PLCB1: variants seen among roughly 807,000 people sequenced by gnomAD.
The protein encoded by PLCB1 is phospholipase C beta 1, also known as 1-phosphatidylinositol 4,5-bisphosphate phosphodiesterase beta-1.
In PLCB1, 46 loss-of-function variants were observed where a neutral mutation model predicts 161.8. That is an observed-to-expected ratio of 0.28 (90% CI 0.22 to 0.36). The LOEUF is 0.36. Among genes scored for constraint, PLCB1 ranks in the 10% least tolerant of loss-of-function variants. The pLI, the probability that PLCB1 is intolerant of heterozygous loss-of-function variation, is 1.00. For missense variants in PLCB1, 1,016 were observed against 1,472.5 expected (o/e 0.69, Z 5.07); for synonymous variants, 517 against 503.7 (o/e 1.03, Z -0.35).
intron 3 of PLCB1, among the ~76,000 whole-genome samples, chr20:8,374,748 G>A (rs1216648352): frequency 6.6e-6 from 1 of 152,198 alleles, no homozygotes; most frequent in African/African-American, 2.4e-5. Context: ...GGGACAGAAA[G>A]GCAATGTAAC....
chr20:8,465,504 T>C (rs1166126867), intron 3 of PLCB1, among the ~76,000 whole-genome samples: 4 of 152,140 alleles, frequency 2.6e-5, no homozygotes, highest in Non-Finnish European at 4.4e-5. Flanking sequence ...ACTCCCCACA[T>C]TGGAAAGTCC....
chr20:8,842,129 A>G (rs1179003522), intron 31 of PLCB1, among the ~76,000 whole-genome samples: 1 of 152,228 alleles, frequency 6.6e-6, no homozygotes, highest in Non-Finnish European at 1.5e-5. Flanking sequence ...TGCACATGCC[A>G]TGCTTTGCAA....
chr20:8,743,035 T>G (rs1980964471), intron 23 of PLCB1, among the ~76,000 whole-genome samples: 1 of 152,194 alleles, frequency 6.6e-6, no homozygotes, highest in Non-Finnish European at 1.5e-5. Flanking sequence ...TGGATGCCCT[T>G]TATTTTATTT....
At chr20:8,700,065 C>G (rs1230410864) in intron 11 of PLCB1, among the ~76,000 whole-genome samples, 1 of 152,172 alleles carries the variant, frequency 6.6e-6, no homozygotes, top group Non-Finnish European at 1.5e-5. Flanking sequence ...CAGTTGGGCT[C>G]TTTAAGAAAA....
chr20:8,411,292 AATG>A lies in PLCB1; in HGVS notation c.246+39845_246+39847del, dbSNP rs147084937. ...CCTTTGCATGTTATTAATAGGTTGAAATGATAATATATTGGAAATATTGAGTTA... is the reference window on the plus strand; with the variant it reads ...CCTTTGCATGTTATTAATAGGTTGAAATAATATATTGGAAATATTGAGTTA... On this transcript the variant is annotated intron_variant, in intron 3 of 31. Transcript: ENST00000338037. Among the ~76,000 whole-genome samples, 199 of 152,336 alleles carry A rather than the reference AATG, an allele frequency of 1.3e-3. 1 individual carries two copies. In the East Asian group the frequency reaches 0.033, roughly 25 times the overall value.
At chr20:8,702,652 A>G (rs1600261925) in intron 11 of PLCB1, among the ~76,000 whole-genome samples, 1 of 152,330 alleles carries the variant, frequency 6.6e-6, no homozygotes, top group African/African-American at 2.4e-5. Flanking sequence ...TAATTGAACC[A>G]TATGGCTTAT....
chr20:8,779,806 T>C (rs570131064), intron 27 of PLCB1, among the ~76,000 whole-genome samples: 9 of 152,362 alleles, frequency 5.9e-5, no homozygotes, highest in Admixed American at 6.5e-5. Flanking sequence ...AAATGGGAAA[T>C]ACAGTGAGCT....
At chr20:8,601,418 A>G (rs1052772507) in intron 3 of PLCB1, among the ~76,000 whole-genome samples, 40 of 151,874 alleles carry the variant, frequency 2.6e-4, no homozygotes, top group African/African-American at 9.4e-4. Context: ...GTTTCCCTCT[A>G]TGTGTCTATG....
chr20:8,235,800 G>A (rs1448083770), intron 2 of PLCB1, among the ~76,000 whole-genome samples: 1 of 151,898 alleles, frequency 6.6e-6, no homozygotes, highest in African/African-American at 2.4e-5. Flanking sequence ...AAATGAGAAA[G>A]TTTTTTATGT....
rs762166702 is a variant in PLCB1 at position 8,881,898 on chromosome 20, G to A, written c.*49G>A. 5.0e-6 allele frequency: 6 copies of A among 1,210,142 alleles called. No individual in the cohort carries two copies. The highest frequency in any genetic ancestry group is 3.7e-5 in the South Asian group (3 of 80,872). The allele number at this position is 1,210,142 out of a possible 1,614,324, so 75.0% of individuals were successfully genotyped here. ...ATTGCATGGCCACTCCAGCGTCATC[G>A]GACTCTCTCTTATTACAAAGATCAC... On this transcript the variant is annotated 3_prime_UTR_variant, in exon 32 of 32. Transcript: ENST00000338037.
At chr20:8,455,865 G>C (rs564535298) in intron 3 of PLCB1, among the ~76,000 whole-genome samples, 13 of 152,218 alleles carry the variant, frequency 8.5e-5, no homozygotes, top group African/African-American at 2.6e-4. Flanking sequence ...TCCTCCATAG[G>C]CTCCTATCTT....
At chr20:8,519,459 C>T (rs569340075) in intron 3 of PLCB1, among the ~76,000 whole-genome samples, 10 of 152,158 alleles carry the variant, frequency 6.6e-5, no homozygotes, top group South Asian at 4.2e-4. Flanking sequence ...AAATACAAAA[C>T]GAAACAAAGC....
chr20:8,699,992 T>C (rs903424662), intron 11 of PLCB1, among the ~76,000 whole-genome samples: 1 of 152,220 alleles, frequency 6.6e-6, no homozygotes, highest in Non-Finnish European at 1.5e-5. Context: ...ATTTCCATAG[T>C]CCCACTTCTT....
At chr20:8,360,387 A>G (rs1380799302) in intron 2 of PLCB1, among the ~76,000 whole-genome samples, 1 of 152,152 alleles carries the variant, frequency 6.6e-6, no homozygotes, top group African/African-American at 2.4e-5. Context: ...TTCCTGCAGG[A>G]GCTTTAGGCA....
intron 2 of PLCB1, among the ~76,000 whole-genome samples, chr20:8,242,319 A>G (rs1187937053): frequency 1.3e-5 from 2 of 151,980 alleles, no homozygotes; most frequent in South Asian, 2.1e-4. Context: ...CCACTCAGCT[A>G]TGATGAGGAT....
chr20:8,760,788 A>T (rs983949646), intron 25 of PLCB1, among the ~76,000 whole-genome samples: 2 of 152,176 alleles, frequency 1.3e-5, no homozygotes, highest in African/African-American at 4.8e-5. Flanking sequence ...GCCAATAATA[A>T]ACTATATTTT....
intron 27 of PLCB1, among the ~76,000 whole-genome samples, chr20:8,784,760 A>G (rs894552863): frequency 1.3e-5 from 2 of 152,212 alleles, no homozygotes; most frequent in African/African-American, 4.8e-5. Context: ...CTCAGTTTAA[A>G]AAATACACCT....
chr20:8,267,436 C>T (rs1982026556), intron 2 of PLCB1, among the ~76,000 whole-genome samples: 1 of 152,090 alleles, frequency 6.6e-6, no homozygotes, highest in Admixed American at 6.5e-5. Flanking sequence ...TCCAGAACTC[C>T]CTTGGGTCCA....
chr20:8,492,195 G>A (rs1201082246), intron 3 of PLCB1, among the ~76,000 whole-genome samples: 8 of 149,936 alleles, frequency 5.3e-5, no homozygotes, highest in Admixed American at 5.3e-4. Flanking sequence ...TTTTCAACCA[G>A]CCCCTCTCTG....
Sources: gnomAD v4.1 joint callset for allele counts (sites outside exome capture counted in the v4.1 genomes callset) on GRCh38, gnomAD v4.1.1 for gene constraint, MANE v1.5 for transcripts, NCBI Gene and HGNC (gene_info 2026-07-23, HGNC 2026-07-21) for gene names.